The following MMP15 variants were observed in gnomAD, a reference collection of about 807,000 sequenced individuals.
The protein encoded by MMP15 is matrix metallopeptidase 15, also known as matrix metalloproteinase-15.
In MMP15, 36 loss-of-function variants were observed where a neutral mutation model predicts 65.0. The ratio of observed to expected loss-of-function variants is 0.55; its 90% CI spans 0.42 to 0.73. MMP15 has a LOEUF of 0.73. MMP15 is among the 30% of genes least tolerant of loss of function. The probability of loss-of-function intolerance (pLI) is 0.00; values close to 1 mark genes in which losing one functional copy is unlikely to be tolerated. For synonymous variants in MMP15, 428 were observed against 410.2 expected (o/e 1.04, Z -0.52); for missense variants, 870 against 987.8 (o/e 0.88, Z 1.60).
At chr16:58,044,541 AC>A (rs1411908750) in intron 9 of MMP15, among the ~76,000 whole-genome samples, 14 of 152,098 alleles carry the variant, frequency 9.2e-5, no homozygotes, top group Admixed American at 3.9e-4. Context: ...CTTGATTGAA[AC>A]CTGGCCCTGC....
chr16:58,028,278 G>A (rs193131760), intron 1 of MMP15, among the ~76,000 whole-genome samples: 15 of 152,266 alleles, frequency 9.9e-5, no homozygotes, highest in East Asian at 7.7e-4. Flanking sequence ...ATCACAAACC[G>A]TGCTCCTGAT....
At chr16:58,038,784 A>T (rs1229103921) in intron 3 of MMP15, among the ~76,000 whole-genome samples, 2 of 152,182 alleles carry the variant, frequency 1.3e-5, no homozygotes, top group East Asian at 3.8e-4. Flanking sequence ...TGAGTTCTTG[A>T]GCAAGAAAAC....
chr16:58,026,229 G>A lies in MMP15; in HGVS notation c.-122G>A. 7 of 1,118,758 alleles carry A rather than the reference G, an allele frequency of 6.3e-6. No homozygotes were observed. The highest frequency in any genetic ancestry group is 7.9e-6 in the Non-Finnish European group (7 of 884,096). The allele number at this position is 1,118,758 out of a possible 1,614,324, so 69.3% of individuals were successfully genotyped here. ...AGGCGACCTAGGCGGCTCCGGCGGGGACCGGGAGCCCGAGGTCCGCGGCGC... is the reference window on the plus strand; with the variant it reads ...AGGCGACCTAGGCGGCTCCGGCGGGAACCGGGAGCCCGAGGTCCGCGGCGC... On this transcript the variant is annotated 5_prime_UTR_variant, in exon 1 of 10. Coordinates refer to ENST00000219271, the MANE Select transcript of MMP15 (RefSeq NM_002428.4).
At chr16:58,041,932 TC>T in intron 6 of MMP15, 62 bp downstream of exon 6, 1 of 1,509,418 alleles carries the variant, frequency 6.6e-7, no homozygotes, top group East Asian at 2.3e-5. Flanking sequence ...GGGCCCCCTG[TC>T]CCACCCTCAC....
In MMP15 at chr16:58,043,680, C is replaced by CA. The variant is rs552081475; in HGVS notation, c.1570+54dup. The CA allele has an allele frequency of 4.0e-3, 5,342 of 1,340,998 alleles. 19 individuals carry two copies. Among genetic ancestry groups the CA allele is most frequent in the Non-Finnish European group, 5.0e-3 (4,793 of 966,146 alleles). The allele number at this position is 1,340,998 out of a possible 1,614,324, so 83.1% of individuals were successfully genotyped here. ...CCAGCACCTAATATCCCCTGCTACA[C>CA]ACACCACAGGGCAGGGCTTGCCCAA... On this transcript the variant is annotated intron_variant, in intron 9 of 9. Coordinates refer to ENST00000219271, the MANE Select transcript of MMP15 (RefSeq NM_002428.4).
chr16:58,027,560 G>C (rs1597060798), intron 1 of MMP15, among the ~76,000 whole-genome samples: 1 of 152,170 alleles, frequency 6.6e-6, no homozygotes, highest in African/African-American at 2.4e-5. Flanking sequence ...CCCGGGCTGC[G>C]GGCCTGAGCG....
At position 58,038,299 on chromosome 16, in the gene MMP15, C is replaced by G. The variant is rs765813618; in HGVS notation, c.345C>G (p.Asp115Glu). The change falls in exon 3 of 10, where the codon GAC (aspartate) becomes GAG (glutamate). Residue 115 changes from aspartate to glutamate, a missense_variant. Transcript: ENST00000219271. ...WMKRPRCGVPDQFGVRVKANL... is the reference protein window; with the variant it reads ...WMKRPRCGVPEQFGVRVKANL... ...AGCGGCCCCGCTGTGGGGTGCCAGA[C>G]CAGTTCGGGGTACGAGTGAAAGCCA... The G allele has an allele frequency of 1.9e-6, 3 of 1,614,048 alleles. No homozygotes were observed. Among genetic ancestry groups the G allele is most frequent in the Middle Eastern group, 3.3e-4 (2 of 6,062 alleles).
At chr16:58,044,197 G>A (rs933297500) in intron 9 of MMP15, among the ~76,000 whole-genome samples, 5 of 152,204 alleles carry the variant, frequency 3.3e-5, no homozygotes, top group African/African-American at 9.7e-5. Context: ...TGTAATCCCA[G>A]CTCTTGGAGA....
chr16:58,043,784 C>T (rs746586967), intron 9 of MMP15, among the ~76,000 whole-genome samples, 157 bp downstream of exon 9: 20 of 152,232 alleles, frequency 1.3e-4, no homozygotes, highest in Non-Finnish European at 2.1e-4. Flanking sequence ...TAGCTTGACA[C>T]CCTGGTCCTT....
In MMP15 at chr16:58,043,527, C is replaced by G; in HGVS notation, c.1470C>G (p.Asn490Lys). 6.2e-7 allele frequency: 1 copy of G among 1,613,994 alleles called. No individual in the cohort carries two copies. Reference sequence around the variant, plus strand: ...TTGTTCACAGGTACTGGCGCTTCAACGAGGAGACACAGCGTGGAGACCCTG... The same window carrying G: ...TTGTTCACAGGTACTGGCGCTTCAAGGAGGAGACACAGCGTGGAGACCCTG... ...FFQEDRYWRF[N>K]EETQRGDPGY... is the part of the protein sequence containing the mutation. Residue 490 changes from asparagine to lysine, a missense_variant, in exon 9 of 10, where the codon AAC becomes AAG. Physicochemically the swap from Asn to Lys is moderately conservative, Grantham distance 94 (BLOSUM62 0). Transcript: ENST00000219271.
At position 58,026,512 on chromosome 16, in the gene MMP15, G is replaced by A; in HGVS notation, c.162G>A (p.Glu54=). The A allele has an allele frequency of 7.4e-7, 1 of 1,345,852 alleles. No homozygotes were observed. Among genetic ancestry groups the A allele is most frequent in the Non-Finnish European group, 9.6e-7 (1 of 1,046,306 alleles). The allele number at this position is 1,345,852 out of a possible 1,614,324, so 83.4% of individuals were successfully genotyped here. A position where few individuals can be genotyped will look rare whatever the true frequency, so the allele number is the denominator to read the frequency against. ...CCGAAGACGCGGAGGTCCATGCCGA[G>A]GTAAGACCCCCGCCCTGCCCTTTGG... ...VAAEDAEVHA[E]NWLRLYGYLP... is the part of the protein sequence containing the mutation. The change falls in exon 1 of 10, where the codon GAG becomes GAA. Residue 54 remains glutamate (E), a splice_region_variant and synonymous_variant. Transcript: ENST00000219271.
At chr16:58,041,928 C>T in intron 6 of MMP15, 58 bp downstream of exon 6, 1 of 1,509,864 alleles carries the variant, frequency 6.6e-7, no homozygotes, top group Non-Finnish European at 8.9e-7. Context: ...CTCTGGGCCC[C>T]CTGTCCCACC....
chr16:58,041,790 C>T lies in MMP15; in HGVS notation c.1084C>T (p.Pro362Ser). 1 of 1,611,978 alleles carries T rather than the reference C, an allele frequency of 6.2e-7. No individual in the cohort carries two copies. The highest frequency in any genetic ancestry group is 1.7e-5 in the Admixed American group (1 of 59,800). ...AGTCCAGCCCCGAGCCACAGAGCGG[C>T]CCGACCAGTATGGCCCCAACATCTG... ...PPVQPRATER[P>S]DQYGPNICDG... The change falls in exon 6 of 10, where the codon CCC (proline) becomes TCC (serine). Residue 362 changes from proline (P) to serine (S), a missense_variant. Transcript: ENST00000219271.
Position 58,026,259 on chromosome 16 carries a change from G to C in MMP15, c.-92G>C. 16 of 1,218,330 alleles carry C rather than the reference G, an allele frequency of 1.3e-5. No homozygotes were observed. Among genetic ancestry groups the C allele is most frequent in the Non-Finnish European group, 1.6e-5 (16 of 974,222 alleles). The allele number at this position is 1,218,330 out of a possible 1,614,324, so 75.5% of individuals were successfully genotyped here. On this transcript the variant is annotated 5_prime_UTR_variant, in exon 1 of 10. Coordinates refer to ENST00000219271, the MANE Select transcript of MMP15 (RefSeq NM_002428.4). Reference sequence around the variant, plus strand: ...GGAGCCCGAGGTCCGCGGCGCGCCTGCCGGGCCAGGAGCCAGGGAGCGTCG... The same window carrying C: ...GGAGCCCGAGGTCCGCGGCGCGCCTCCCGGGCCAGGAGCCAGGGAGCGTCG...
Position 58,026,328 on chromosome 16 carries a change from G to T in MMP15, c.-23G>T. The T allele has an allele frequency of 1.5e-6, 2 of 1,329,216 alleles. No individual in the cohort carries two copies. Among genetic ancestry groups the T allele is most frequent in the Non-Finnish European group, 1.9e-6 (2 of 1,043,374 alleles). 82.3% of individuals were successfully genotyped at this position (1,329,216 alleles called of 1,614,324 possible). On this transcript the variant is annotated 5_prime_UTR_variant, in exon 1 of 10. Transcript: ENST00000219271. ...GCGAGGATCCGGCGTGCAGTGTTCC[G>T]AGCTGGGCTGGGCGCCGAGAGCATG...
At position 58,036,246 on chromosome 16, in the gene MMP15, G is replaced by A. The variant is rs41377845; in HGVS notation, c.163-1226G>A. On this transcript the variant is annotated intron_variant, in intron 1 of 9. Coordinates refer to ENST00000219271, the MANE Select transcript of MMP15 (RefSeq NM_002428.4). ...CTCACTGCCTCCCATGGCGGTCACCGTGCTCTTGAGGGCTTGAGGACATGA... is the reference window on the plus strand; with the variant it reads ...CTCACTGCCTCCCATGGCGGTCACCATGCTCTTGAGGGCTTGAGGACATGA... Among the ~76,000 whole-genome samples, 505 of 152,278 alleles carry A rather than the reference G, an allele frequency of 3.3e-3. 3 individuals are homozygous for A. Among genetic ancestry groups the A allele is most frequent in the African/African-American group, 0.012 (481 of 41,536 alleles).
intron 3 of MMP15, among the ~76,000 whole-genome samples, chr16:58,039,116 C>T (rs925681343): frequency 6.6e-6 from 1 of 152,228 alleles, no homozygotes; most frequent in Non-Finnish European, 1.5e-5. Flanking sequence ...ACCACACACA[C>T]ACTCTTTTCT....
At chr16:58,027,424 C>T (rs1597060703) in intron 1 of MMP15, among the ~76,000 whole-genome samples, 1 of 152,350 alleles carries the variant, frequency 6.6e-6, no homozygotes, top group East Asian at 1.9e-4. Flanking sequence ...GTCCACTCTT[C>T]CCCGACTTCT....
At chr16:58,044,840 A>C (rs1959522248) in intron 9 of MMP15, among the ~76,000 whole-genome samples, 167 bp from the exon 10 acceptor site, 1 of 152,216 alleles carries the variant, frequency 6.6e-6, no homozygotes, top group Admixed American at 6.5e-5. Context: ...AAGCCCTCTG[A>C]GCCTCAGTCT....
Sources: gnomAD v4.1 joint callset for allele counts (sites outside exome capture counted in the v4.1 genomes callset) on GRCh38, gnomAD v4.1.1 for gene constraint, MANE v1.5 for transcripts, NCBI Gene and HGNC (gene_info 2026-07-23, HGNC 2026-07-21) for gene names.